Variants in KCNJ16 observed in about 807,000 individuals in gnomAD.
KCNJ16 encodes the protein inward rectifier potassium channel 16.
Under a neutral mutation model 18.5 loss-of-function variants are expected in KCNJ16, and 15 were observed. That is an observed-to-expected ratio of 0.81 (90% CI 0.54 to 1.25). KCNJ16 has a LOEUF of 1.25. Ranked by LOEUF, KCNJ16 falls within the 50% of genes most tolerant of loss-of-function variation. KCNJ16 has a pLI of 0.00. For synonymous variants in KCNJ16, 174 were observed against 186.5 expected (o/e 0.93, Z 0.55); for missense variants, 523 against 525.7 (o/e 0.99, Z 0.05).
chr17:70,080,385 A>C (rs1416692012), intron 1 of KCNJ16, among the ~76,000 whole-genome samples: 1 of 152,164 alleles, frequency 6.6e-6, no homozygotes, highest in African/African-American at 2.4e-5. Flanking sequence ...AAACACTTTA[A>C]AATTATTTTC....
At chr17:70,093,084 G>C (rs368674814) in intron 1 of KCNJ16, among the ~76,000 whole-genome samples, 14 of 152,240 alleles carry the variant, frequency 9.2e-5, no homozygotes, top group African/African-American at 3.4e-4. Flanking sequence ...TGCAAAGGTT[G>C]AAAGTTAGTA....
In KCNJ16 at chr17:70,133,263, C is replaced by T. The variant is rs139817790; in HGVS notation, c.1176C>T (p.Ser392=). ...SCENPEETTT[S]ATHEYRETPY... ...AAAACCCTGAGGAGACCACCACTTC[C>T]GCCACACATGAATATAGGGAAACAC... Residue 392 remains serine, a synonymous_variant, in exon 4 of 4, where the codon TCC becomes TCT. Coordinates refer to ENST00000392671, the MANE Select transcript of KCNJ16 (RefSeq NM_170741.4). 5.9e-5 allele frequency: 96 copies of T among 1,614,050 alleles called. No homozygotes were observed. The highest frequency in any genetic ancestry group is 1.6e-4 in the Middle Eastern group (1 of 6,062).
intron 1 of KCNJ16, among the ~76,000 whole-genome samples, chr17:70,080,627 T>G (rs2071512926): frequency 1.3e-5 from 2 of 152,252 alleles, no homozygotes; most frequent in Middle Eastern, 3.4e-3. Flanking sequence ...TATTAAAGGA[T>G]GAATTTTGTG....
intron 2 of KCNJ16, among the ~76,000 whole-genome samples, chr17:70,115,947 CT>C (rs2073384673): frequency 6.6e-6 from 1 of 152,086 alleles, no homozygotes; most frequent in Non-Finnish European, 1.5e-5. Context: ...CTAATAAATG[CT>C]TTTAGATTGC....
At chr17:70,107,998 T>TA (rs1185444069) in intron 2 of KCNJ16, among the ~76,000 whole-genome samples, 13 of 152,188 alleles carry the variant, frequency 8.5e-5, no homozygotes, top group African/African-American at 2.9e-4. Context: ...GTACTAACAA[T>TA]AAAAACATTC....
Position 70,132,109 on chromosome 17 carries a change from T to C in KCNJ16, c.22T>C (p.Tyr8His). The C allele has an allele frequency of 6.2e-7, 1 of 1,614,198 alleles. No homozygotes were observed. The highest frequency in any genetic ancestry group is 8.5e-7 in the Non-Finnish European group (1 of 1,180,030). The change falls in exon 4 of 4, where the codon TAT (tyrosine) becomes CAT (histidine). Residue 8 changes from tyrosine to histidine, a missense_variant. Physicochemically the swap from Tyr to His is moderately conservative, Grantham distance 83. Transcript: ENST00000392671. ...AAGAATGAGCTATTACGGCAGCAGCTATCATATTATCAATGCGGACGCAAA... is the reference window on the plus strand; with the variant it reads ...AAGAATGAGCTATTACGGCAGCAGCCATCATATTATCAATGCGGACGCAAA... MSYYGSSYHIINADAKYP... is the reference protein window; with the variant it reads MSYYGSSHHIINADAKYP...
chr17:70,091,604 TACAC>T (rs61699534), intron 1 of KCNJ16, among the ~76,000 whole-genome samples: 3 of 151,072 alleles, frequency 2.0e-5, no homozygotes, highest in Admixed American at 6.6e-5. Flanking sequence ...CCAGTACACA[TACAC>T]ACACACACAC....
At chr17:70,117,388 A>C (rs1264654148) in intron 2 of KCNJ16, among the ~76,000 whole-genome samples, 2 of 151,192 alleles carry the variant, frequency 1.3e-5, no homozygotes, top group South Asian at 2.1e-4. Context: ...ACCTGAACCA[A>C]ACCTCAGCAT....
At chr17:70,091,386 T>C (rs16974924) in intron 1 of KCNJ16, among the ~76,000 whole-genome samples, 5,619 of 152,306 alleles carry the variant, frequency 0.037, 96 homozygotes, top group Middle Eastern at 0.068. Flanking sequence ...TTATACATCA[T>C]AAATTTGCTA....
At chr17:70,128,183 ATGTGCATT>A (rs2073923485) in intron 2 of KCNJ16, 1 of 152,182 alleles carries the variant, frequency 6.6e-6, no homozygotes, top group African/African-American at 2.4e-5. Flanking sequence ...AATAAGCAGG[ATGTGCATT>A]TGTTATGTTG....
At chr17:70,130,613 C>G (rs1167580224) in intron 2 of KCNJ16, among the ~76,000 whole-genome samples, 1 of 152,170 alleles carries the variant, frequency 6.6e-6, no homozygotes, top group Non-Finnish European at 1.5e-5. Flanking sequence ...GAAGTTAACT[C>G]TTTCTGTCCT....
At chr17:70,125,266 T>C (rs1358180737) in intron 2 of KCNJ16, among the ~76,000 whole-genome samples, 1 of 148,346 alleles carries the variant, frequency 6.7e-6, no homozygotes, top group East Asian at 1.9e-4. Flanking sequence ...CAAGATCCTG[T>C]TTCAAAGAAA....
chr17:70,110,613 C>T (rs1453272404), intron 2 of KCNJ16, among the ~76,000 whole-genome samples: 1 of 152,160 alleles, frequency 6.6e-6, no homozygotes, highest in Non-Finnish European at 1.5e-5. Context: ...ACTTTGGATC[C>T]ACGCAGTAGG....
intron 2 of KCNJ16, among the ~76,000 whole-genome samples, chr17:70,108,718 G>A (rs1324913298): frequency 6.6e-6 from 1 of 152,056 alleles, no homozygotes; most frequent in Non-Finnish European, 1.5e-5. Context: ...AATTCTCTGT[G>A]GCTAGAAAAC....
intron 1 of KCNJ16, among the ~76,000 whole-genome samples, chr17:70,088,919 T>G (rs2071960806): frequency 6.6e-6 from 1 of 152,190 alleles, no homozygotes; most frequent in Non-Finnish European, 1.5e-5. Flanking sequence ...GTCCTCAGTT[T>G]AAAAAGTCAA....
chr17:70,082,592 T>G (rs1188954365), intron 1 of KCNJ16, among the ~76,000 whole-genome samples: 1 of 152,168 alleles, frequency 6.6e-6, no homozygotes, highest in African/African-American at 2.4e-5. Flanking sequence ...TTCCAAGAAA[T>G]GGAACTACAA....
chr17:70,077,822 T>C (rs2071382078), intron 1 of KCNJ16, among the ~76,000 whole-genome samples: 1 of 151,020 alleles, frequency 6.6e-6, no homozygotes, highest in African/African-American at 2.4e-5. Flanking sequence ...TAAACTCAAA[T>C]AGCTGGTTCT....
At chr17:70,115,863 C>T (rs1468790471) in intron 2 of KCNJ16, among the ~76,000 whole-genome samples, 1 of 152,172 alleles carries the variant, frequency 6.6e-6, no homozygotes, top group Non-Finnish European at 1.5e-5. Flanking sequence ...AAAATTACAG[C>T]ATCGATGGCT....
chr17:70,100,104 G>C (rs2072558227), intron 1 of KCNJ16, among the ~76,000 whole-genome samples: 1 of 152,142 alleles, frequency 6.6e-6, no homozygotes, highest in African/African-American at 2.4e-5. Context: ...GAAGCCCTCA[G>C]GCCGGCAAAA....
Sources: allele counts gnomAD v4.1 joint callset (sites outside exome capture counted in the v4.1 genomes callset), GRCh38; gene constraint gnomAD v4.1.1; transcripts MANE v1.5; gene names NCBI Gene and HGNC (gene_info 2026-07-23, HGNC 2026-07-21).